PPM1L: variants seen among roughly 807,000 people sequenced by gnomAD.
The protein encoded by PPM1L is protein phosphatase, Mg2+/Mn2+ dependent 1L.
PPM1L carries 13 observed loss-of-function variants against 31.4 expected under a neutral mutation model. The observed-to-expected ratio is 0.41, with a 90% CI of 0.27 to 0.66. PPM1L has a LOEUF of 0.66. Ranked by LOEUF, PPM1L falls within the 30% of genes least tolerant of loss-of-function variation. The pLI is 0.29. For missense variants in PPM1L, 326 were observed against 453.7 expected (o/e 0.72, Z 2.56); for synonymous variants, 184 against 175.4 (o/e 1.05, Z -0.39).
Position 161,073,266 on chromosome 3 carries a change from G to C in PPM1L, c.*4109G>C, listed in dbSNP as rs1308467327. The C allele has an allele frequency of 6.6e-6, 1 of 152,098 alleles. No homozygotes were observed. Among genetic ancestry groups the C allele is most frequent in the East Asian group, 1.9e-4 (1 of 5,180 alleles). 9.4% of individuals were successfully genotyped at this position (152,098 alleles called of 1,614,324 possible). A position where few individuals can be genotyped will look rare whatever the true frequency, so the allele number is the denominator to read the frequency against. On this transcript the variant is annotated 3_prime_UTR_variant, in exon 4 of 4. Transcript: ENST00000498165. ...CAAATATCTACTGTCAGTTAGCCCAGTGTTTTCCAGATTAATTTGACCACA... is the reference window on the plus strand; with the variant it reads ...CAAATATCTACTGTCAGTTAGCCCACTGTTTTCCAGATTAATTTGACCACA...
Position 161,057,680 on chromosome 3 carries a change from A to T in PPM1L, c.575-7723A>T, listed in dbSNP as rs577521759. On this transcript the variant is annotated intron_variant, in intron 2 of 3. Transcript: ENST00000498165. ...CTTCCCTTGAAAAATCGGAGGAAAC[A>T]TTCACAGTGGACCTGCATTCCTACG... is the stretch of plus-strand genomic sequence containing the variant. 2.0e-5 allele frequency among the ~76,000 whole-genome samples: 3 copies of T among 152,182 alleles called. No homozygotes were observed. In the East Asian group the frequency reaches 5.8e-4, roughly 29 times the overall value.
chr3:160,815,653 CTT>C (rs1416518663), intron 1 of PPM1L, among the ~76,000 whole-genome samples: 1 of 152,096 alleles, frequency 6.6e-6, no homozygotes, highest in Admixed American at 6.6e-5. Flanking sequence ...GAAATAACTC[CTT>C]ATTCCATCAT....
intron 1 of PPM1L, among the ~76,000 whole-genome samples, chr3:160,767,627 T>G (rs1477117414): frequency 6.6e-6 from 1 of 152,218 alleles, no homozygotes; most frequent in Non-Finnish European, 1.5e-5. Flanking sequence ...TTATTTGCAT[T>G]TGCTTTTCAA....
chr3:160,882,777 T>C (rs1044858107), intron 1 of PPM1L, among the ~76,000 whole-genome samples: 27 of 152,234 alleles, frequency 1.8e-4, no homozygotes, highest in African/African-American at 6.5e-4. Flanking sequence ...AGGTCACCAA[T>C]GTTATTTTAC....
Position 161,078,007 on chromosome 3 carries a change from T to G in PPM1L, c.*8850T>G, listed in dbSNP as rs971051304. ...AATCCTATTGAATTAGAATAATTCA[T>G]ATACTTCATATACTAGGCAGTAAAT... On this transcript the variant is annotated 3_prime_UTR_variant, in exon 4 of 4. Transcript: ENST00000498165. The G allele has an allele frequency of 4.6e-5, 7 of 152,214 alleles. No homozygotes were observed. The highest frequency in any genetic ancestry group is 1.7e-4 in the African/African-American group (7 of 41,452). 9.4% of individuals were successfully genotyped at this position (152,214 alleles called of 1,614,324 possible).
At chr3:160,837,798 T>C (rs1210195467) in intron 1 of PPM1L, among the ~76,000 whole-genome samples, 2 of 152,176 alleles carry the variant, frequency 1.3e-5, no homozygotes, top group Non-Finnish European at 2.9e-5. Flanking sequence ...TTCGTGGTCA[T>C]GTAACCATGT....
chr3:160,831,048 A>G (rs1713511121), intron 1 of PPM1L, among the ~76,000 whole-genome samples: 1 of 152,202 alleles, frequency 6.6e-6, no homozygotes, highest in African/African-American at 2.4e-5. Context: ...GGGGTTTAAT[A>G]TTGGATGCAT....
intron 2 of PPM1L, among the ~76,000 whole-genome samples, chr3:161,024,467 G>A (rs907735161): frequency 2.0e-5 from 3 of 152,090 alleles, no homozygotes; most frequent in Admixed American, 6.5e-5. Flanking sequence ...GGGAGGCGGA[G>A]GCGGGCAGAT....
At chr3:160,842,860 G>A (rs1185217185) in intron 1 of PPM1L, among the ~76,000 whole-genome samples, 1 of 152,160 alleles carries the variant, frequency 6.6e-6, no homozygotes, top group Non-Finnish European at 1.5e-5. Context: ...TAAGCACTTT[G>A]AGACAGAAGA....
intron 1 of PPM1L, among the ~76,000 whole-genome samples, chr3:160,843,924 A>G (rs954652548): frequency 1.3e-5 from 2 of 152,230 alleles, no homozygotes; most frequent in Non-Finnish European, 2.9e-5. Context: ...AATGTGGTAC[A>G]TATACACCAT....
intron 1 of PPM1L, among the ~76,000 whole-genome samples, chr3:160,864,014 C>T (rs532836283): frequency 2.0e-4 from 30 of 152,252 alleles, no homozygotes; most frequent in African/African-American, 6.5e-4. Context: ...GCCTGAAAGA[C>T]TCTTGACAAA....
intron 1 of PPM1L, among the ~76,000 whole-genome samples, chr3:160,800,457 A>G (rs1187869040): frequency 6.6e-6 from 1 of 152,170 alleles, no homozygotes; most frequent in Non-Finnish European, 1.5e-5. Context: ...GAAATTGAAA[A>G]TACATGATAT....
At chr3:160,920,615 T>TCACACA (rs1162244272) in intron 1 of PPM1L, among the ~76,000 whole-genome samples, 17 of 28,704 alleles carry the variant, frequency 5.9e-4, no homozygotes, top group African/African-American at 1.2e-3. Context: ...TCTCTCTCTC[T>TCACACA]CACACACACA....
intron 1 of PPM1L, among the ~76,000 whole-genome samples, chr3:160,886,926 A>G (rs1712937025): frequency 6.6e-6 from 1 of 152,096 alleles, no homozygotes; most frequent in Admixed American, 6.5e-5. Context: ...CTAAAGGAGC[A>G]TGTTCTAACC....
At chr3:160,936,852 A>G (rs1302754497) in intron 1 of PPM1L, among the ~76,000 whole-genome samples, 6 of 152,196 alleles carry the variant, frequency 3.9e-5, no homozygotes. Flanking sequence ...CCTCATATGT[A>G]TTGATAGTTA....
intron 1 of PPM1L, among the ~76,000 whole-genome samples, chr3:160,893,569 C>A (rs1713227722): frequency 6.6e-6 from 1 of 152,130 alleles, no homozygotes; most frequent in South Asian, 2.1e-4. Flanking sequence ...ATGAAATAGA[C>A]CAAGATTATC....
intron 1 of PPM1L, among the ~76,000 whole-genome samples, chr3:160,877,543 A>T (rs1436968163): frequency 1.5e-5 from 1 of 65,758 alleles, no homozygotes. Context: ...TTGTTGTCTC[A>T]TGCCAAGGAA....
At chr3:160,854,455 A>G (rs945789583) in intron 1 of PPM1L, among the ~76,000 whole-genome samples, 2 of 152,204 alleles carry the variant, frequency 1.3e-5, no homozygotes, top group Non-Finnish European at 2.9e-5. Context: ...GAAACCATTC[A>G]TTGATCCTAA....
chr3:160,972,873 C>G (rs925983296), intron 2 of PPM1L, among the ~76,000 whole-genome samples: 1 of 152,104 alleles, frequency 6.6e-6, no homozygotes, highest in Admixed American at 6.6e-5. Flanking sequence ...TGTTTCCTGA[C>G]TTTTTAATGA....
Sources: gnomAD v4.1 joint callset for allele counts (sites outside exome capture counted in the v4.1 genomes callset) on GRCh38, gnomAD v4.1.1 for gene constraint, MANE v1.5 for transcripts, NCBI Gene and HGNC (gene_info 2026-07-23, HGNC 2026-07-21) for gene names.